DNAH11: variants seen among roughly 807,000 people sequenced by gnomAD.
The protein encoded by DNAH11 is dynein axonemal heavy chain 11, also known as axonemal beta dynein heavy chain 11.
Under a neutral mutation model 526.0 loss-of-function variants are expected in DNAH11, and 442 were observed. That is an observed-to-expected ratio of 0.84 (90% CI 0.78 to 0.91). The LOEUF (loss-of-function observed/expected upper bound fraction) is 0.91. DNAH11 is among the 40% of genes least tolerant of loss of function. The pLI is 0.00. For synonymous variants in DNAH11, 2,461 were observed against 1,935.9 expected (o/e 1.27, Z -7.12); for missense variants, 6,989 against 5,448.7 (o/e 1.28, Z -8.90).
chr7:21,650,660 A>T (rs576600880), intron 28 of DNAH11, among the ~76,000 whole-genome samples: 1 of 149,650 alleles, frequency 6.7e-6, no homozygotes, highest in East Asian at 2.0e-4. Flanking sequence ...TTCTTTGGAG[A>T]TGGAGTTTCG....
chr7:21,581,427 C>A (rs551631287), intron 8 of DNAH11, among the ~76,000 whole-genome samples: 1 of 152,222 alleles, frequency 6.6e-6, no homozygotes, highest in South Asian at 2.1e-4. Context: ...CAGTTCTCAC[C>A]TGAAGAAATA....
At chr7:21,660,226 GGTTA>G (rs1400419710) in intron 30 of DNAH11, among the ~76,000 whole-genome samples, 3 of 151,752 alleles carry the variant, frequency 2.0e-5, no homozygotes, top group African/African-American at 2.4e-5. Context: ...AATAGCCTCT[GGTTA>G]GTTAATTTAT....
chr7:21,736,485 T>C (rs1785619028), intron 46 of DNAH11, among the ~76,000 whole-genome samples: 1 of 152,308 alleles, frequency 6.6e-6, no homozygotes, highest in South Asian at 2.1e-4. Flanking sequence ...CTCTCTGATA[T>C]CCGGTTGTTT....
chr7:21,821,192 G>A, intron 65 of DNAH11, among the ~76,000 whole-genome samples: 1 of 152,190 alleles, frequency 6.6e-6, no homozygotes, highest in East Asian at 1.9e-4. Flanking sequence ...AGGAATGAGA[G>A]TAAGTGTAGG....
chr7:21,558,928 AG>A lies in DNAH11; in HGVS notation c.623del (p.Arg208LysfsTer31). ...KMYIFRGKMS[R>X]RTLLPIPTVA... ...GTATATTTTTAGGGGCAAAATGTCT[AG>A]AAGAACTCTTCTACCAATTCCCACT... is the stretch of plus-strand genomic sequence containing the variant. On this transcript the variant is annotated frameshift_variant, in exon 3 of 82. Transcript: ENST00000409508. LOFTEE classifies it high-confidence loss of function. 6.3e-7 allele frequency: 1 copy of A among 1,598,664 alleles called. No individual in the cohort carries two copies. Among genetic ancestry groups the A allele is most frequent in the Non-Finnish European group, 8.5e-7 (1 of 1,171,790 alleles).
In DNAH11 at chr7:21,658,820, T is replaced by C; in HGVS notation, c.5117T>C (p.Leu1706Pro). ...AAGGTGGAAACATGGCTTCTGCAAC[T>C]TGAACAGACTATGCAAGAAACGGTG... Reference protein sequence around the residue: ...VGHVETWLLQLEQTMQETVRH... With the variant: ...VGHVETWLLQPEQTMQETVRH... Residue 1706 changes from leucine to proline, a missense_variant, in exon 30 of 82, where the codon CTT (leucine) becomes CCT (proline). Coordinates refer to ENST00000409508, the MANE Select transcript of DNAH11 (RefSeq NM_001277115.2). The C allele has an allele frequency of 1.3e-6, 2 of 1,590,058 alleles. No individual in the cohort carries two copies. Among genetic ancestry groups the C allele is most frequent in the Non-Finnish European group, 1.7e-6 (2 of 1,167,990 alleles).
At chr7:21,589,099 C>A in intron 11 of DNAH11, 109 bp from the exon 12 acceptor site, 1 of 836,594 alleles carries the variant, frequency 1.2e-6, no homozygotes, top group Non-Finnish European at 1.7e-6. Context: ...GTTTCTCTTC[C>A]TGGTTGTTTA....
At chr7:21,740,350 A>G (rs1785823281) in intron 48 of DNAH11, among the ~76,000 whole-genome samples, 1 of 152,114 alleles carries the variant, frequency 6.6e-6, no homozygotes, top group Non-Finnish European at 1.5e-5. Context: ...CATCTTGTGA[A>G]ACTGAAACTC....
intron 44 of DNAH11, among the ~76,000 whole-genome samples, chr7:21,721,270 A>C (rs1209588943): frequency 6.6e-6 from 1 of 152,166 alleles, no homozygotes; most frequent in African/African-American, 2.4e-5. Context: ...AAAAACGTGG[A>C]AGACATCACT....
intron 15 of DNAH11, among the ~76,000 whole-genome samples, chr7:21,600,370 A>T (rs1785030249): frequency 6.6e-6 from 1 of 152,006 alleles, no homozygotes; most frequent in Non-Finnish European, 1.5e-5. Context: ...AGGCAGGAGG[A>T]TTGCTTGAGT....
intron 2 of DNAH11, among the ~76,000 whole-genome samples, chr7:21,550,236 A>G (rs1782969679): frequency 6.6e-6 from 1 of 151,936 alleles, no homozygotes; most frequent in African/African-American, 2.4e-5. Context: ...GGAGCACTTG[A>G]TAGGGACCTT....
intron 25 of DNAH11, among the ~76,000 whole-genome samples, chr7:21,622,289 A>G (rs2128455100): frequency 6.6e-6 from 1 of 152,296 alleles, no homozygotes; most frequent in South Asian, 2.1e-4. Flanking sequence ...TTCAAGGAGA[A>G]CTACAAACCA....
chr7:21,632,405 A>G (rs574800300), intron 25 of DNAH11, among the ~76,000 whole-genome samples: 1 of 152,264 alleles, frequency 6.6e-6, no homozygotes, highest in East Asian at 1.9e-4. Context: ...TTTCTTTCCT[A>G]TCACATTGTC....
intron 66 of DNAH11, among the ~76,000 whole-genome samples, chr7:21,846,561 C>T (rs886355398): frequency 6.6e-6 from 1 of 152,098 alleles, no homozygotes; most frequent in Non-Finnish European, 1.5e-5. Flanking sequence ...ATAAATCCCA[C>T]TTGGTCGTGG....
rs1782125966 is a variant in DNAH11, at chr7:21,658,813, C to A, written c.5110C>A (p.Leu1704Met). ...ECVGHVETWLLQLEQTMQETV... is the reference protein window; with the variant it reads ...ECVGHVETWLMQLEQTMQETV... Reference sequence around the variant, plus strand: ...GCTTCCAAAGGTGGAAACATGGCTTCTGCAACTTGAACAGACTATGCAAGA... The same window carrying A: ...GCTTCCAAAGGTGGAAACATGGCTTATGCAACTTGAACAGACTATGCAAGA... The change falls in exon 30 of 82, where the codon CTG becomes ATG. Residue 1704 changes from leucine (L) to methionine (M), a missense_variant. By Grantham distance (15) the Leu-to-Met change is conservative. Transcript: ENST00000409508. The A allele has an allele frequency of 6.3e-7, 1 of 1,582,598 alleles. No homozygotes were observed. Among genetic ancestry groups the A allele is most frequent in the Non-Finnish European group, 8.6e-7 (1 of 1,164,020 alleles).
intron 67 of DNAH11, 82 bp from the exon 68 acceptor site, chr7:21,854,233 A>C (rs1782745333): frequency 6.8e-7 from 1 of 1,465,684 alleles, no homozygotes; most frequent in Admixed American, 2.4e-5. Context: ...TTTTCATTTC[A>C]GGTACGTCCT....
intron 68 of DNAH11, among the ~76,000 whole-genome samples, chr7:21,859,565 T>G (rs1298691292): frequency 1.3e-5 from 2 of 152,252 alleles, no homozygotes; most frequent in Admixed American, 1.3e-4. Context: ...ACTTTGTTAA[T>G]GCCTTCTTAC....
chr7:21,544,894 A>C, intron 1 of DNAH11, 112 bp from the exon 2 acceptor site: 1 of 847,478 alleles, frequency 1.2e-6, no homozygotes, highest in South Asian at 2.0e-5. Flanking sequence ...TAGGGCAGGC[A>C]AGATGCCAGG....
At chr7:21,769,554 G>A (rs765467890) in intron 55 of DNAH11, among the ~76,000 whole-genome samples, 13 of 151,628 alleles carry the variant, frequency 8.6e-5, no homozygotes, top group South Asian at 2.1e-4. Flanking sequence ...GCATGATCTC[G>A]GCTCACTGCA....
Sources: allele counts gnomAD v4.1 joint callset (sites outside exome capture counted in the v4.1 genomes callset), GRCh38; gene constraint gnomAD v4.1.1; transcripts MANE v1.5; gene names NCBI Gene and HGNC (gene_info 2026-07-23, HGNC 2026-07-21).